SNTG1: variants seen among roughly 807,000 people sequenced by gnomAD.
SNTG1 encodes gamma-1-syntrophin.
Under a neutral mutation model 74.7 loss-of-function variants are expected in SNTG1, and 39 were observed. The observed-to-expected ratio is 0.52, with a 90% CI of 0.40 to 0.68. The LOEUF (loss-of-function observed/expected upper bound fraction) is 0.68, where lower values mean the gene tolerates loss of function less well. Ranked by LOEUF, SNTG1 falls within the 30% of genes least tolerant of loss-of-function variation. The pLI, the probability that SNTG1 is intolerant of heterozygous loss-of-function variation, is 0.00. For synonymous variants in SNTG1, 254 were observed against 217.1 expected (o/e 1.17, Z -1.49); for missense variants, 685 against 609.5 (o/e 1.12, Z -1.30).
chr8:50,763,469 A>T (rs1411704903), intron 18 of SNTG1, among the ~76,000 whole-genome samples: 1 of 151,748 alleles, frequency 6.6e-6, no homozygotes, highest in South Asian at 2.1e-4. Context: ...GGAAGACACA[A>T]ATATATGGAA....
At chr8:50,232,093 C>G (rs1378273618) in intron 2 of SNTG1, among the ~76,000 whole-genome samples, 2 of 151,244 alleles carry the variant, frequency 1.3e-5, no homozygotes, top group Non-Finnish European at 3.0e-5. Context: ...TTTAATGAAG[C>G]TAGCACTACT....
chr8:50,282,720 C>A (rs918870980), intron 2 of SNTG1, among the ~76,000 whole-genome samples: 7 of 152,058 alleles, frequency 4.6e-5, no homozygotes, highest in South Asian at 4.2e-4. Context: ...GAGCTGAGAT[C>A]GTGCCACTGC....
chr8:50,553,176 C>A lies in SNTG1; in HGVS notation c.807C>A (p.His269Gln), dbSNP rs1003844662. The A allele has an allele frequency of 6.2e-7, 1 of 1,613,734 alleles. No homozygotes were observed. The highest frequency in any genetic ancestry group is 8.5e-7 in the Non-Finnish European group (1 of 1,179,776). The change falls in exon 12 of 19, where the codon CAC (histidine) becomes CAA (glutamine). Residue 269 changes from histidine (H) to glutamine (Q), a missense_variant. Transcript: ENST00000642720. The stretch of plus-strand genomic sequence containing the variant: ...CTAACATTTCAAATCTCACAAAGCA[C>A]AATGTAAGTAATGATTCAAGGAATA... ...IATNISNLTK[H>Q]NIKKINRNFP...
At chr8:49,958,876 C>T (rs572338291) in intron 1 of SNTG1, among the ~76,000 whole-genome samples, 122 of 152,128 alleles carry the variant, frequency 8.0e-4, no homozygotes, top group Non-Finnish European at 1.6e-3. Context: ...ATTTGGGTCC[C>T]CAAAGCAAAG....
At chr8:50,187,752 G>A (rs2131756356) in intron 2 of SNTG1, among the ~76,000 whole-genome samples, 1 of 152,272 alleles carries the variant, frequency 6.6e-6, no homozygotes, top group South Asian at 2.1e-4. Context: ...CATTTTATTA[G>A]TTCATGGATG....
chr8:50,556,673 A>G (rs1450090812), intron 12 of SNTG1, among the ~76,000 whole-genome samples: 1 of 152,192 alleles, frequency 6.6e-6, no homozygotes, highest in South Asian at 2.1e-4. Context: ...ATAAGTAAAT[A>G]TATTTGGCAT....
chr8:50,384,367 A>G (rs749316951), intron 2 of SNTG1, among the ~76,000 whole-genome samples: 4 of 152,210 alleles, frequency 2.6e-5, no homozygotes, highest in Non-Finnish European at 4.4e-5. Flanking sequence ...ATGACAGTTA[A>G]TAAGGCATTC....
chr8:49,914,572 C>T (rs1184410348), intron 1 of SNTG1, among the ~76,000 whole-genome samples: 2 of 152,060 alleles, frequency 1.3e-5, no homozygotes. Flanking sequence ...TTAATTTTTG[C>T]ATAGACTATA....
chr8:50,773,829 T>A (rs567381719), intron 18 of SNTG1, among the ~76,000 whole-genome samples: 1 of 152,164 alleles, frequency 6.6e-6, no homozygotes, highest in Non-Finnish European at 1.5e-5. Context: ...ATTACAAATA[T>A]ATTAACTGGT....
In SNTG1 at chr8:50,718,707, T is replaced by C. The variant is rs2095480600; in HGVS notation, c.1284+9729T>C. ...TCATGTGGTTGAGGCCACTATCAAG[T>C]GGGAGGGCAGATCAGCCCGGTCCAT... On this transcript the variant is annotated intron_variant, in intron 17 of 18. Transcript: ENST00000642720. Among the ~76,000 whole-genome samples, 4 of 152,200 alleles carry C rather than the reference T, an allele frequency of 2.6e-5. No individual in the cohort carries two copies. The South Asian group carries it at 8.3e-4, about 32-fold the overall frequency.
chr8:49,919,995 T>C (rs897589860), intron 1 of SNTG1, among the ~76,000 whole-genome samples: 1 of 152,084 alleles, frequency 6.6e-6, no homozygotes, highest in Non-Finnish European at 1.5e-5. Flanking sequence ...GTTTGTCCAA[T>C]TCATTAACTT....
At chr8:50,010,724 A>G (rs962972795) in intron 1 of SNTG1, among the ~76,000 whole-genome samples, 1 of 151,558 alleles carries the variant, frequency 6.6e-6, no homozygotes, top group South Asian at 2.1e-4. Context: ...ATTTAAGAGG[A>G]ATTCTGATGT....
In SNTG1 at chr8:50,424,312, A is replaced by G. The variant is rs528774329; in HGVS notation, c.163-14231A>G. ...TTCTTTTCAGACAAAACAAACAAAC[A>G]AACAAAAACAAAAAAAGGTAATCTC... On this transcript the variant is annotated intron_variant, in intron 4 of 18. Coordinates refer to ENST00000642720, the MANE Select transcript of SNTG1 (RefSeq NM_018967.5). Among the ~76,000 whole-genome samples the G allele has an allele frequency of 3.3e-5, 5 of 152,284 alleles. No individual in the cohort carries two copies. The East Asian group carries it at 7.7e-4, about 24-fold the overall frequency.
chr8:50,305,717 G>C (rs1336050363), intron 2 of SNTG1, among the ~76,000 whole-genome samples: 1 of 151,588 alleles, frequency 6.6e-6, no homozygotes, highest in East Asian at 1.9e-4. Flanking sequence ...ATTGATGTAA[G>C]TAAAACATAT....
At chr8:50,419,753 T>A (rs2093058162) in intron 4 of SNTG1, among the ~76,000 whole-genome samples, 1 of 152,034 alleles carries the variant, frequency 6.6e-6, no homozygotes. Context: ...TTATATAATA[T>A]GAATGTTAAA....
intron 4 of SNTG1, among the ~76,000 whole-genome samples, chr8:50,409,195 T>C (rs1205309213): frequency 6.6e-6 from 1 of 152,208 alleles, no homozygotes; most frequent in East Asian, 1.9e-4. Flanking sequence ...CTGACTCTAA[T>C]TTTAGTTATG....
At chr8:49,979,903 A>T (rs1383440636) in intron 1 of SNTG1, among the ~76,000 whole-genome samples, 1 of 152,206 alleles carries the variant, frequency 6.6e-6, no homozygotes, top group African/African-American at 2.4e-5. Flanking sequence ...CTGTGAGGAA[A>T]ATTCTATCCT....
intron 2 of SNTG1, among the ~76,000 whole-genome samples, chr8:50,324,938 CATATATATAT>C (rs201152206): frequency 0.044 from 5,901 of 133,928 alleles, 158 homozygotes; most frequent in Admixed American, 0.062. Context: ...GCATTTTATA[CATATATATAT>C]ATATATATAT....
At chr8:50,686,023 A>G (rs942535455) in intron 15 of SNTG1, among the ~76,000 whole-genome samples, 2 of 152,158 alleles carry the variant, frequency 1.3e-5, no homozygotes, top group African/African-American at 4.8e-5. Flanking sequence ...GATATGCTCT[A>G]GTTTTGTAGT....
Sources: gnomAD v4.1 joint callset for allele counts (sites outside exome capture counted in the v4.1 genomes callset) on GRCh38, gnomAD v4.1.1 for gene constraint, MANE v1.5 for transcripts, NCBI Gene and HGNC (gene_info 2026-07-23, HGNC 2026-07-21) for gene names.